The following DOP1B variants were observed in gnomAD, a reference collection of about 807,000 sequenced individuals.
DOP1B encodes the protein protein DOP1B.
In DOP1B, 174 loss-of-function variants were observed where a neutral mutation model predicts 233.5. The ratio of observed to expected loss-of-function variants is 0.75; its 90% CI spans 0.66 to 0.85. DOP1B has a LOEUF of 0.85. DOP1B is among the 40% of genes least tolerant of loss of function. The probability of loss-of-function intolerance (pLI) is 0.00; values close to 1 mark genes in which losing one functional copy is unlikely to be tolerated. For synonymous variants in DOP1B, 1,190 were observed against 1,185.6 expected, an observed-to-expected ratio of 1.00 and a Z score of -0.08; for missense variants, 2,652 against 2,846.6, an observed-to-expected ratio of 0.93 and a Z score of 1.56.
intron 5 of DOP1B, 53 bp downstream of exon 5, chr21:36,208,957 G>A: frequency 1.4e-6 from 2 of 1,445,918 alleles, no homozygotes. Flanking sequence ...TGTGGGCACA[G>A]CATCCTCATG....
intron 2 of DOP1B, chr21:36,169,107 C>T (rs1441016312): frequency 1.2e-6 from 1 of 866,758 alleles, no homozygotes; most frequent in Non-Finnish European, 1.9e-6. Context: ...TTCTCCAGAG[C>T]CCATCGTCTG....
intron 3 of DOP1B, among the ~76,000 whole-genome samples, 191 bp downstream of exon 3, chr21:36,199,442 C>T (rs375583246): frequency 6.9e-6 from 1 of 145,274 alleles, no homozygotes; most frequent in Non-Finnish European, 1.5e-5. Context: ...TGCTTTCTTT[C>T]TTTTTTTTTT....
Position 36,231,029 on chromosome 21 carries a change from G to A in DOP1B, c.2245G>A (p.Ala749Thr), listed in dbSNP as rs2066758817. 1 of 1,614,048 alleles carries A rather than the reference G, an allele frequency of 6.2e-7. No homozygotes were observed. The highest frequency in any genetic ancestry group is 1.3e-5 in the African/African-American group (1 of 74,938). The part of the protein sequence containing the change: ...LGGSREERRE[A>T]FAAACHLLLD... ...GGGTTCCAGGGAGGAACGCAGGGAG[G>A]CCTTTGCCGCCGCCTGCCACCTGCT... The change falls in exon 14 of 37, where the codon GCC becomes ACC. Residue 749 changes from alanine to threonine, a missense_variant. Physicochemically the swap from Ala to Thr is moderately conservative, Grantham distance 58 (BLOSUM62 0). Transcript: ENST00000691173.
intron 11 of DOP1B, 103 bp from the exon 12 acceptor site, chr21:36,225,462 C>A: frequency 7.8e-7 from 1 of 1,286,236 alleles, no homozygotes; most frequent in Non-Finnish European, 1.1e-6. Context: ...GACTCCTGAG[C>A]TCAGACAGTC....
intron 2 of DOP1B, among the ~76,000 whole-genome samples, chr21:36,187,598 A>G (rs530475578): frequency 6.9e-5 from 10 of 144,894 alleles, no homozygotes; most frequent in Admixed American, 1.4e-4. Context: ...TGCCCAGCCT[A>G]TTTATTTTAT....
At chr21:36,227,041 T>TA (rs1181606422) in intron 12 of DOP1B, among the ~76,000 whole-genome samples, 2 of 148,714 alleles carry the variant, frequency 1.3e-5, no homozygotes, top group Admixed American at 6.7e-5. Flanking sequence ...CCGTCTCTAC[T>TA]AAAAAAAATA....
At position 36,246,161 on chromosome 21, in the gene DOP1B, C is replaced by T. The variant is rs1315006848; in HGVS notation, c.4181C>T (p.Ser1394Phe). 6.2e-7 allele frequency: 1 copy of T among 1,613,782 alleles called. No homozygotes were observed. The change falls in exon 19 of 37, where the codon TCC (serine) becomes TTC (phenylalanine). Residue 1394 changes from serine (S) to phenylalanine (F), a missense_variant. By Grantham distance (155) the Ser-to-Phe change is radical. Coordinates refer to ENST00000691173, the MANE Select transcript of DOP1B (RefSeq NM_001320714.2). The surrounding 1 kb of genome is among the most constrained non-coding windows in gnomAD (Gnocchi z 5.1). ...TTTGTCCTGCTCTCCCTGTCGGCGT[C>T]CATGTACACGAGCCAGAAGCGCTAC... The part of the protein sequence containing the change: ...QEFVLLSLSA[S>F]MYTSQKRYGL...
chr21:36,199,421 C>T (rs575165176), intron 3 of DOP1B, among the ~76,000 whole-genome samples, 170 bp downstream of exon 3: 2 of 151,988 alleles, frequency 1.3e-5, no homozygotes, highest in Non-Finnish European at 2.9e-5. Context: ...GGAGTCTATC[C>T]GTCCTAACTT....
At chr21:36,202,301 A>G (rs2066377652) in intron 4 of DOP1B, among the ~76,000 whole-genome samples, 1 of 152,242 alleles carries the variant, frequency 6.6e-6, no homozygotes, top group Non-Finnish European at 1.5e-5. Context: ...CTTCTGAGAG[A>G]TGCCACAGTG....
intron 33 of DOP1B, 52 bp downstream of exon 33, chr21:36,288,202 C>G: frequency 6.5e-7 from 1 of 1,541,216 alleles, no homozygotes; most frequent in Middle Eastern, 1.7e-4. Flanking sequence ...TTTTAAAATG[C>G]TTTTTCAGTA....
rs559594238 is a variant in DOP1B, at chr21:36,231,251, T to G, written c.2350+117T>G. ...ACCAAATGTATTTTGGATTTCGGAC[T>G]TTTTTCAGATTTTTGGAATATTTGC... On this transcript the variant is annotated intron_variant, in intron 14 of 36. Coordinates refer to ENST00000691173, the MANE Select transcript of DOP1B (RefSeq NM_001320714.2). 3.2e-5 allele frequency: 42 copies of G among 1,311,022 alleles called. No homozygotes were observed. The South Asian group carries it at 5.6e-4, about 17-fold the overall frequency. 81.2% of individuals were successfully genotyped at this position (1,311,022 alleles called of 1,614,324 possible).
At chr21:36,184,794 C>T (rs941245116) in intron 2 of DOP1B, among the ~76,000 whole-genome samples, 1 of 152,194 alleles carries the variant, frequency 6.6e-6, no homozygotes, top group Non-Finnish European at 1.5e-5. Context: ...GGAACAGGAT[C>T]GCTGTGGGAG....
At chr21:36,234,497 T>C (rs2066803852) in intron 15 of DOP1B, among the ~76,000 whole-genome samples, 1 of 152,164 alleles carries the variant, frequency 6.6e-6, no homozygotes, top group South Asian at 2.1e-4. Context: ...ACTTTCATTT[T>C]CATGTAGTAC....
At chr21:36,169,650 C>T in intron 2 of DOP1B, 1 of 912,046 alleles carries the variant, frequency 1.1e-6, no homozygotes, top group Non-Finnish European at 1.8e-6. Context: ...ATCAGCTGGG[C>T]CTTCTTCTGG....
intron 32 of DOP1B, among the ~76,000 whole-genome samples, chr21:36,286,869 CAGG>C (rs1409641982): frequency 6.6e-6 from 1 of 151,758 alleles, no homozygotes; most frequent in Non-Finnish European, 1.5e-5. Flanking sequence ...GAGGCTGAGG[CAGG>C]AGAATTGCTT....
At chr21:36,228,339 TGTAGTCCCA>T (rs1370706448) in intron 13 of DOP1B, among the ~76,000 whole-genome samples, 1 of 152,024 alleles carries the variant, frequency 6.6e-6, no homozygotes, top group African/African-American at 2.4e-5. Flanking sequence ...GGCACATGCC[TGTAGTCCCA>T]GTTACTTGGG....
rs182636682 is a variant in DOP1B, at chr21:36,277,570, C to T, written c.5713-405C>T. Among the ~76,000 whole-genome samples, 902 of 152,206 alleles carry T rather than the reference C, an allele frequency of 5.9e-3. 8 individuals carry two copies. Among genetic ancestry groups the T allele is most frequent in the African/African-American group, 0.017 (709 of 41,546 alleles). Reference sequence around the variant, plus strand: ...AGCTGGGATTACAGGCGTGACCCACCGCTCCCAGCCATAACTGCTTTTCTT... The same window carrying T: ...AGCTGGGATTACAGGCGTGACCCACTGCTCCCAGCCATAACTGCTTTTCTT... On this transcript the variant is annotated intron_variant, in intron 28 of 36. Coordinates refer to ENST00000691173, the MANE Select transcript of DOP1B (RefSeq NM_001320714.2).
intron 2 of DOP1B, among the ~76,000 whole-genome samples, chr21:36,184,716 C>T (rs1446322671): frequency 2.0e-5 from 3 of 152,180 alleles, no homozygotes; most frequent in Non-Finnish European, 4.4e-5. Context: ...GCCCGGCATA[C>T]GCAGCAAGTG....
At chr21:36,166,042 C>T (rs2065908597) in intron 2 of DOP1B, among the ~76,000 whole-genome samples, 1 of 148,898 alleles carries the variant, frequency 6.7e-6, no homozygotes, top group East Asian at 2.1e-4. Flanking sequence ...CTAACTAATA[C>T]CTGATGATCT....
Sources: gnomAD v4.1 joint callset for allele counts (sites outside exome capture counted in the v4.1 genomes callset) on GRCh38, gnomAD v4.1.1 for gene constraint, Gnocchi (gnomAD v3.1) non-coding constraint, MANE v1.5 for transcripts, NCBI Gene and HGNC (gene_info 2026-07-23, HGNC 2026-07-21) for gene names.